DOCK8: variants seen among roughly 807,000 people sequenced by gnomAD.
The protein encoded by DOCK8 is dedicator of cytokinesis 8.
A neutral mutation model predicts 245.6 loss-of-function variants in DOCK8; 141 were observed. That is an observed-to-expected ratio of 0.57 (90% CI 0.50 to 0.66). The LOEUF is 0.66. DOCK8 is among the 30% of genes least tolerant of loss of function. The pLI, the probability that DOCK8 is intolerant of heterozygous loss-of-function variation, is 0.00. For missense variants in DOCK8, 2,965 were observed against 2,603.4 expected (o/e 1.14, Z -3.02); for synonymous variants, 1,168 against 970.2 (o/e 1.20, Z -3.79).
intron 38 of DOCK8, among the ~76,000 whole-genome samples, 196 bp downstream of exon 38, chr9:434,171 G>A (rs912743381): frequency 2.0e-5 from 3 of 152,060 alleles, no homozygotes; most frequent in Admixed American, 1.3e-4. Flanking sequence ...CTAATTTAAA[G>A]TGAGGCATAA....
At chr9:350,483 C>T (rs550182680) in intron 14 of DOCK8, among the ~76,000 whole-genome samples, 63 of 152,264 alleles carry the variant, frequency 4.1e-4, no homozygotes, top group African/African-American at 1.4e-3. Context: ...ATGTACGTGC[C>T]GTCCAGGACA....
At chr9:434,057 C>A in intron 38 of DOCK8, 82 bp downstream of exon 38, 2 of 957,326 alleles carry the variant, frequency 2.1e-6, no homozygotes, top group South Asian at 2.6e-5. Context: ...ATGTAATGAT[C>A]ACAGCTAACA....
chr9:413,084 TAA>T (rs1397913541), intron 28 of DOCK8, among the ~76,000 whole-genome samples: 1 of 152,138 alleles, frequency 6.6e-6, no homozygotes, highest in African/African-American at 2.4e-5. Flanking sequence ...GAAATTGGGT[TAA>T]GAGTCCAAAA....
intron 1 of DOCK8, among the ~76,000 whole-genome samples, chr9:244,664 TAATA>T (rs1272621711): frequency 6.6e-6 from 1 of 152,182 alleles, no homozygotes; most frequent in Non-Finnish European, 1.5e-5. Flanking sequence ...TTAAAAGAAT[TAATA>T]AATGAATGTG....
chr9:374,265 A>T (rs563265255), intron 18 of DOCK8, among the ~76,000 whole-genome samples: 1 of 152,156 alleles, frequency 6.6e-6, no homozygotes, highest in Non-Finnish European at 1.5e-5. Context: ...GTATGTGGCT[A>T]TTGAGGAAAA....
At chr9:274,811 C>T (rs556136041) in intron 2 of DOCK8, among the ~76,000 whole-genome samples, 109 of 152,290 alleles carry the variant, frequency 7.2e-4, no homozygotes, top group African/African-American at 2.4e-3. Context: ...CGTAGGTTTT[C>T]GTTGCATTAT....
At chr9:319,173 A>G (rs968779245) in intron 7 of DOCK8, among the ~76,000 whole-genome samples, 1 of 151,698 alleles carries the variant, frequency 6.6e-6, no homozygotes, top group African/African-American at 2.4e-5. Context: ...CCCTAGCTAC[A>G]TTGGGAGGCT....
At chr9:410,378 G>A (rs951380672) in intron 28 of DOCK8, among the ~76,000 whole-genome samples, 5 of 152,024 alleles carry the variant, frequency 3.3e-5, no homozygotes, top group East Asian at 1.9e-4. Flanking sequence ...TAGTGTGGTC[G>A]CATGTGTCAG....
At chr9:347,382 T>C (rs2051946273) in intron 14 of DOCK8, among the ~76,000 whole-genome samples, 1 of 152,090 alleles carries the variant, frequency 6.6e-6, no homozygotes, top group African/African-American at 2.4e-5. Context: ...GGTCCACACC[T>C]GCAGTCCCAG....
chr9:345,484 A>G (rs564934783), intron 14 of DOCK8, among the ~76,000 whole-genome samples: 3 of 152,268 alleles, frequency 2.0e-5, no homozygotes, highest in East Asian at 1.9e-4. Context: ...CTAATAGCAG[A>G]TGTTTTCTGG....
chr9:458,236 C>T (rs967887185), intron 46 of DOCK8: 1 of 152,188 alleles, frequency 6.6e-6, no homozygotes, highest in African/African-American at 2.4e-5. Context: ...TACCCATTCT[C>T]GTGGTCATGA....
intron 5 of DOCK8, among the ~76,000 whole-genome samples, chr9:306,577 A>G (rs2049839157): frequency 1.3e-5 from 2 of 152,150 alleles, no homozygotes; most frequent in African/African-American, 4.8e-5. Flanking sequence ...AATCGTCATT[A>G]TGGGAAACAG....
chr9:291,908 A>T (rs1002349195), intron 4 of DOCK8, among the ~76,000 whole-genome samples: 8 of 151,692 alleles, frequency 5.3e-5, no homozygotes, highest in South Asian at 2.1e-4. Flanking sequence ...CTCTAAAAAA[A>T]TTTTTTAAAA....
intron 3 of DOCK8, among the ~76,000 whole-genome samples, chr9:287,259 G>A (rs1484744494): frequency 6.6e-6 from 1 of 152,158 alleles, no homozygotes; most frequent in Non-Finnish European, 1.5e-5. Context: ...AGTTTCTATA[G>A]TTGGCTCTTC....
chr9:387,821 A>G (rs1370860774), intron 23 of DOCK8, among the ~76,000 whole-genome samples: 1 of 152,250 alleles, frequency 6.6e-6, no homozygotes, highest in Admixed American at 6.5e-5. Flanking sequence ...TTCCTTTCTT[A>G]AAAACCATTA....
chr9:307,073 G>C (rs1351853814), intron 5 of DOCK8, among the ~76,000 whole-genome samples: 1 of 152,112 alleles, frequency 6.6e-6, no homozygotes, highest in Non-Finnish European at 1.5e-5. Context: ...GAAGGTGAGA[G>C]GAATAGCAAG....
intron 40 of DOCK8, among the ~76,000 whole-genome samples, chr9:439,593 A>G (rs2057021096): frequency 6.6e-6 from 1 of 152,176 alleles, no homozygotes; most frequent in Non-Finnish European, 1.5e-5. Context: ...ATAACCTTTC[A>G]TCACAGTGCC....
chr9:294,414 C>G (rs1184821403), intron 4 of DOCK8, among the ~76,000 whole-genome samples: 1 of 152,212 alleles, frequency 6.6e-6, no homozygotes, highest in African/African-American at 2.4e-5. Context: ...GGCGTGTTCC[C>G]ATATTCTTGC....
intron 47 of DOCK8, 30 bp downstream of exon 47, chr9:463,717 T>A: frequency 6.2e-7 from 1 of 1,613,246 alleles, no homozygotes; most frequent in Non-Finnish European, 8.5e-7. Context: ...GGCCTCTTCC[T>A]GTGGGATAAA....
Sources: gnomAD v4.1 joint callset for allele counts (sites outside exome capture counted in the v4.1 genomes callset) on GRCh38, gnomAD v4.1.1 for gene constraint, MANE v1.5 for transcripts, NCBI Gene and HGNC (gene_info 2026-07-23, HGNC 2026-07-21) for gene names.